The following CTNNA3 variants were observed in gnomAD, a reference collection of about 807,000 sequenced individuals.
CTNNA3 encodes catenin alpha-3.
A neutral mutation model predicts 95.7 loss-of-function variants in CTNNA3; 76 were observed. The ratio of observed to expected loss-of-function variants is 0.79; its 90% confidence interval spans 0.66 to 0.96. The LOEUF (loss-of-function observed/expected upper bound fraction) is 0.96, where lower values mean the gene tolerates loss of function less well. Among genes scored for constraint, CTNNA3 ranks in the 40% least tolerant of loss-of-function variants. The pLI is 0.00. For synonymous variants in CTNNA3, 431 were observed against 374.4 expected (o/e 1.15, Z -1.74); for missense variants, 1,191 against 1,089.8 (o/e 1.09, Z -1.31).
intron 12 of CTNNA3, among the ~76,000 whole-genome samples, chr10:66,320,381 T>G (rs1205110314): frequency 2.0e-5 from 3 of 152,180 alleles, no homozygotes; most frequent in Non-Finnish European, 4.4e-5. Flanking sequence ...ATGTCTATCT[T>G]GGCATTAAAT....
intron 1 of CTNNA3, among the ~76,000 whole-genome samples, chr10:67,727,316 T>C (rs1045347061): frequency 2.2e-5 from 3 of 133,346 alleles, no homozygotes; most frequent in Non-Finnish European, 4.6e-5. Context: ...ATATATGATA[T>C]ATTATATATT....
chr10:66,466,339 T>TACACACACACACACACAC lies in CTNNA3; in HGVS notation c.1531+54260_1531+54277dup, dbSNP rs143601111. Among the ~76,000 whole-genome samples the TACACACACACACACACAC allele has an allele frequency of 2.6e-3, 368 of 141,822 alleles. 4 individuals are homozygous for TACACACACACACACACAC. The highest frequency in any genetic ancestry group is 9.1e-3 in the South Asian group (38 of 4,174). The allele number at this position is 141,822 out of a possible 152,430, so 93.0% of individuals were successfully genotyped here. A position where few individuals can be genotyped will look rare whatever the true frequency, so the allele number is the denominator to read the frequency against. ...ACACACACATACACGCACCCACCTA[T>TACACACACACACACACAC]ACACACACACACACACACACACACA... is the stretch of plus-strand genomic sequence containing the variant. On this transcript the variant is annotated intron_variant, in intron 11 of 17. Transcript: ENST00000433211.
chr10:66,762,541 T>A (rs1839642246), intron 9 of CTNNA3, among the ~76,000 whole-genome samples: 1 of 151,768 alleles, frequency 6.6e-6, no homozygotes, highest in South Asian at 2.1e-4. Flanking sequence ...CAATAATAGA[T>A]GTGGTGACAC....
chr10:67,372,800 G>A lies in CTNNA3; in HGVS notation c.579+149042C>T, dbSNP rs1343730685. ...CTCTCGGCAGAAACTCTACAAGCCA[G>A]AAGAGACTGGGGGCCAATATTCAAC... On this transcript the variant is annotated intron_variant, in intron 5 of 17. Transcript: ENST00000433211. Among the ~76,000 whole-genome samples the A allele has an allele frequency of 3.3e-5, 5 of 152,340 alleles. No homozygotes were observed. The South Asian group carries it at 6.2e-4, about 19-fold the overall frequency.
At chr10:67,230,203 CA>C (rs1318008046) in intron 5 of CTNNA3, among the ~76,000 whole-genome samples, 2 of 152,058 alleles carry the variant, frequency 1.3e-5, no homozygotes, top group Non-Finnish European at 2.9e-5. Context: ...ACAAAGCAAA[CA>C]AAAACACAAA....
chr10:65,998,875 A>G (rs1712130027), intron 15 of CTNNA3, among the ~76,000 whole-genome samples: 2 of 152,164 alleles, frequency 1.3e-5, no homozygotes, highest in Admixed American at 1.3e-4. Flanking sequence ...AGAACTCTAT[A>G]CCTGAAAACC....
chr10:67,677,421 G>A (rs907616841), intron 1 of CTNNA3, among the ~76,000 whole-genome samples: 3 of 152,076 alleles, frequency 2.0e-5, no homozygotes, highest in Admixed American at 6.6e-5. Context: ...AGTGTGTCCT[G>A]TATTTTTATT....
chr10:67,407,398 C>T (rs367639962), intron 5 of CTNNA3, among the ~76,000 whole-genome samples: 12 of 152,170 alleles, frequency 7.9e-5, no homozygotes, highest in African/African-American at 2.6e-4. Flanking sequence ...TCAATAAACT[C>T]GGTTTTGAAG....
chr10:66,354,234 G>T (rs2092590552), intron 12 of CTNNA3, among the ~76,000 whole-genome samples: 1 of 151,490 alleles, frequency 6.6e-6, no homozygotes, highest in Admixed American at 6.6e-5. Context: ...GCAGTGAGCT[G>T]AGATGGCACC....
chr10:65,952,193 A>G (rs2133211397), intron 17 of CTNNA3, among the ~76,000 whole-genome samples: 1 of 152,334 alleles, frequency 6.6e-6, no homozygotes, highest in South Asian at 2.1e-4. Context: ...TTGTAATATT[A>G]GTTTACCTAG....
At chr10:66,866,154 T>C (rs1844168608) in intron 7 of CTNNA3, among the ~76,000 whole-genome samples, 1 of 152,150 alleles carries the variant, frequency 6.6e-6, no homozygotes, top group African/African-American at 2.4e-5. Flanking sequence ...CTAGTTCAGT[T>C]ACTTCACATA....
At chr10:67,507,334 C>A (rs1456233466) in intron 5 of CTNNA3, among the ~76,000 whole-genome samples, 1 of 151,878 alleles carries the variant, frequency 6.6e-6, no homozygotes, top group African/African-American at 2.4e-5. Flanking sequence ...TCAAGACTAG[C>A]CTGGCCAACA....
At chr10:67,081,908 T>A (rs1857078421) in intron 7 of CTNNA3, among the ~76,000 whole-genome samples, 1 of 152,184 alleles carries the variant, frequency 6.6e-6, no homozygotes, top group African/African-American at 2.4e-5. Flanking sequence ...ACTAGTTATG[T>A]TTATATGCAT....
chr10:66,587,308 G>A (rs1334437419), intron 10 of CTNNA3, among the ~76,000 whole-genome samples: 1 of 152,168 alleles, frequency 6.6e-6, no homozygotes, highest in Non-Finnish European at 1.5e-5. Flanking sequence ...AATGGGCTGT[G>A]CCGGTTGGCC....
intron 3 of CTNNA3, among the ~76,000 whole-genome samples, chr10:67,562,482 C>T (rs1424885204): frequency 1.3e-5 from 2 of 152,102 alleles, no homozygotes; most frequent in African/African-American, 4.8e-5. Context: ...ATTGATGGGA[C>T]ATATCTCAAA....
rs183799422 is a variant in CTNNA3, at chr10:66,613,715, C to T, written c.1374+7977G>A. On this transcript the variant is annotated intron_variant, in intron 10 of 17. Coordinates refer to ENST00000433211, the MANE Select transcript of CTNNA3 (RefSeq NM_013266.4). Reference sequence around the variant, plus strand: ...CATTTAAGTCTTTTTTACATTATGACGCGACTGTTTGTTTCCAAAGTCTTA... The same window carrying T: ...CATTTAAGTCTTTTTTACATTATGATGCGACTGTTTGTTTCCAAAGTCTTA... Among the ~76,000 whole-genome samples, 47 of 151,398 alleles carry T rather than the reference C, an allele frequency of 3.1e-4. 1 individual carries two copies. The East Asian group carries it at 4.3e-3, about 14-fold the overall frequency.
chr10:66,832,487 G>A (rs1311364363), intron 7 of CTNNA3, among the ~76,000 whole-genome samples: 1 of 152,066 alleles, frequency 6.6e-6, no homozygotes, highest in Non-Finnish European at 1.5e-5. Flanking sequence ...TTGTTTTTGA[G>A]GAGGCCATTT....
chr10:66,685,281 A>ATG (rs1320106883), intron 9 of CTNNA3, among the ~76,000 whole-genome samples: 1 of 52,788 alleles, frequency 1.9e-5, no homozygotes, highest in African/African-American at 1.2e-4. Context: ...ATACGTATAT[A>ATG]TAAGTATATA....
intron 5 of CTNNA3, among the ~76,000 whole-genome samples, chr10:67,501,168 A>G (rs1396196151): frequency 6.6e-6 from 1 of 152,180 alleles, no homozygotes; most frequent in Admixed American, 6.5e-5. Context: ...GGTGGTGACA[A>G]AATCTCTCAG....
Sources: gnomAD v4.1 joint callset for allele counts (sites outside exome capture counted in the v4.1 genomes callset) on GRCh38, gnomAD v4.1.1 for gene constraint, MANE v1.5 for transcripts, NCBI Gene and HGNC (gene_info 2026-07-23, HGNC 2026-07-21) for gene names.